CHD7: variants seen among roughly 807,000 people sequenced by gnomAD.
CHD7 encodes chromodomain helicase DNA binding protein 7.
CHD7 carries 24 observed loss-of-function variants against 307.3 expected under a neutral mutation model. That is an observed-to-expected ratio of 0.08 (90% CI 0.06 to 0.11). The LOEUF (loss-of-function observed/expected upper bound fraction) is 0.11, where lower values mean the gene tolerates loss of function less well. Among genes scored for constraint, CHD7 ranks in the 10% least tolerant of loss-of-function variants. The pLI is 1.00. For missense variants in CHD7, 3,106 were observed against 3,727.1 expected (o/e 0.83, Z 4.34); for synonymous variants, 1,363 against 1,349.9 (o/e 1.01, Z -0.21).
chr8:60,799,001 TGTCTGTC>T (rs1812165566), intron 4 of CHD7, among the ~76,000 whole-genome samples: 1 of 152,216 alleles, frequency 6.6e-6, no homozygotes, highest in South Asian at 2.1e-4. Flanking sequence ...AATAATCTGT[TGTCTGTC>T]TTTTCACATT....
chr8:60,781,120 CAAAAGAAGAAGA>C lies in CHD7; in HGVS notation c.1794_1805del (p.Lys599_Lys602del). Reference sequence around the variant, plus strand: ...GCCATCAATAGAACAGCAGCCACAACAAAAGAAGAAGAAAAAGAAAAACAACCACATTGTAGC... The same window carrying C: ...GCCATCAATAGAACAGCAGCCACAACAAAAGAAAAACAACCACATTGTAGC... On this transcript the variant is annotated inframe_deletion, in exon 3 of 38. Transcript: ENST00000423902. 6.2e-7 allele frequency: 1 copy of C among 1,610,388 alleles called. No individual in the cohort carries two copies. The highest frequency in any genetic ancestry group is 8.5e-7 in the Non-Finnish European group (1 of 1,178,322).
intron 1 of CHD7, among the ~76,000 whole-genome samples, chr8:60,707,805 A>G (rs1807090450): frequency 1.3e-5 from 2 of 152,238 alleles, no homozygotes; most frequent in African/African-American, 4.8e-5. Flanking sequence ...GCTGGACTAT[A>G]TGGTAGCCAT....
chr8:60,860,825 A>T, intron 34 of CHD7, 79 bp from the exon 35 acceptor site: 7 of 1,001,610 alleles, frequency 7.0e-6, no homozygotes, highest in South Asian at 3.1e-5. Flanking sequence ...CCATTCTAGG[A>T]TAGCGTTTTC....
intron 34 of CHD7, among the ~76,000 whole-genome samples, chr8:60,857,616 T>C (rs1805772869): frequency 1.3e-5 from 2 of 152,180 alleles, no homozygotes; most frequent in Admixed American, 6.5e-5. Flanking sequence ...CCAGTCACCA[T>C]AGTGGCTGGA....
intron 1 of CHD7, among the ~76,000 whole-genome samples, chr8:60,734,306 T>A (rs1808595030): frequency 6.6e-6 from 1 of 152,124 alleles, no homozygotes; most frequent in Non-Finnish European, 1.5e-5. Flanking sequence ...AGGTCTGAGG[T>A]GAGCCTGAGA....
chr8:60,732,114 A>G (rs1808483761), intron 1 of CHD7, among the ~76,000 whole-genome samples: 1 of 152,168 alleles, frequency 6.6e-6, no homozygotes, highest in Non-Finnish European at 1.5e-5. Flanking sequence ...TTTCCCTTTA[A>G]GGAAAAGAAT....
intron 4 of CHD7, among the ~76,000 whole-genome samples, chr8:60,798,739 C>T (rs1295265320): frequency 1.3e-5 from 2 of 152,092 alleles, no homozygotes; most frequent in Non-Finnish European, 2.9e-5. Flanking sequence ...TTTATTTCTT[C>T]TTTGTGCTTT....
rs781340917 is a variant in CHD7, at chr8:60,830,576, T to C, written c.3777T>C (p.Asn1259=). 1 of 1,612,260 alleles carries C rather than the reference T, an allele frequency of 6.2e-7. No individual in the cohort carries two copies. The change falls in exon 15 of 38, where the codon AAT becomes AAC. Residue 1259 remains asparagine, a splice_region_variant and synonymous_variant. Coordinates refer to ENST00000423902, the MANE Select transcript of CHD7 (RefSeq NM_017780.4). ...RKCCNHPYLI[N]GAEEKILEEF... is the part of the protein sequence containing the mutation. Reference sequence around the variant, plus strand: ...GCTGCAATCATCCGTACCTTATCAATGGTAAGGCTGCCCTGCTCGCGAACT... The same window carrying C: ...GCTGCAATCATCCGTACCTTATCAACGGTAAGGCTGCCCTGCTCGCGAACT...
chr8:60,734,478 G>A (rs1808606963), intron 1 of CHD7, among the ~76,000 whole-genome samples: 1 of 152,184 alleles, frequency 6.6e-6, no homozygotes, highest in African/African-American at 2.4e-5. Flanking sequence ...TGATGTGGTG[G>A]TACTGCTAGC....
rs371930390 is a variant in CHD7, at chr8:60,742,187, C to T, written c.755C>T (p.Ser252Leu). ...AGCATGGCACCTTCCTTGCGTCACT[C>T]GGTGCAGCAGTTCCATCACCACCCC... ...SPSMAPSLRH[S>L]VQQFHHHPST... The change falls in exon 2 of 38, where the codon TCG (serine) becomes TTG (leucine). Residue 252 changes from serine (S) to leucine (L), a missense_variant. By Grantham distance (145) the Ser-to-Leu change is moderately radical. This residue lies in a region of CHD7 where 998 missense variants were observed against 1,004.5 expected (regional missense o/e 0.99). Coordinates refer to ENST00000423902, the MANE Select transcript of CHD7 (RefSeq NM_017780.4). The T allele has an allele frequency of 4.0e-5, 65 of 1,613,804 alleles. No homozygotes were observed. Among genetic ancestry groups the T allele is most frequent in the Non-Finnish European group, 5.5e-5 (65 of 1,179,884 alleles).
chr8:60,725,432 A>G (rs543105096), intron 1 of CHD7, among the ~76,000 whole-genome samples: 53 of 152,294 alleles, frequency 3.5e-4, no homozygotes, highest in African/African-American at 1.2e-3. Context: ...ATTTTTATAT[A>G]TATTTTATAT....
intron 1 of CHD7, among the ~76,000 whole-genome samples, chr8:60,710,209 TC>T (rs1295061852): frequency 2.1e-4 from 32 of 151,608 alleles, no homozygotes; most frequent in African/African-American, 7.7e-4. Context: ...TGATCATAAT[TC>T]TTGTGCAAAC....
At chr8:60,810,973 G>T (rs1240707016) in intron 7 of CHD7, among the ~76,000 whole-genome samples, 1 of 152,144 alleles carries the variant, frequency 6.6e-6, no homozygotes, top group African/African-American at 2.4e-5. Context: ...CGTGAACTCT[G>T]GTTGTGAACT....
At chr8:60,811,470 C>T (rs556173410) in intron 7 of CHD7, among the ~76,000 whole-genome samples, 1 of 152,232 alleles carries the variant, frequency 6.6e-6, no homozygotes, top group South Asian at 2.1e-4. Context: ...CACACTACAT[C>T]CTGGAAATCA....
intron 1 of CHD7, among the ~76,000 whole-genome samples, chr8:60,721,013 T>G (rs1402332435): frequency 1.3e-5 from 2 of 152,148 alleles, no homozygotes; most frequent in African/African-American, 2.4e-5. Context: ...AGTGGACACT[T>G]TTCTCTTTGT....
intron 1 of CHD7, among the ~76,000 whole-genome samples, chr8:60,737,191 G>T (rs564665181): frequency 2.0e-5 from 3 of 151,990 alleles, no homozygotes; most frequent in African/African-American, 7.3e-5. Context: ...TTTACCAATA[G>T]CTCCAATTTG....
rs1408129936 is a variant in CHD7, at chr8:60,848,539, G to A, written c.5235G>A (p.Leu1745=). 6.2e-7 allele frequency: 1 copy of A among 1,613,556 alleles called. No homozygotes were observed. Among genetic ancestry groups the A allele is most frequent in the Non-Finnish European group, 8.5e-7 (1 of 1,179,724 alleles). The change falls in exon 24 of 38, where the codon CTG becomes CTA. Residue 1745 remains leucine (L), a synonymous_variant. Transcript: ENST00000423902. ...GGGTCCTGCTGCGTGTCCGCATGCT[G>A]TACTACCTAAGACAAGAAGTGATAG... ...CNKVLLRVRM[L]YYLRQEVIGD...
At chr8:60,728,387 C>G (rs1039676249) in intron 1 of CHD7, among the ~76,000 whole-genome samples, 4 of 148,726 alleles carry the variant, frequency 2.7e-5, no homozygotes, top group African/African-American at 9.8e-5. Context: ...CCTATACAAT[C>G]ATTGACTCTT....
chr8:60,795,214 C>T, intron 4 of CHD7, 87 bp downstream of exon 4: 2 of 1,257,574 alleles, frequency 1.6e-6, no homozygotes, highest in Middle Eastern at 1.9e-4. Context: ...CCTCCCCTAT[C>T]TTGTTATAGA....
Sources: allele counts gnomAD v4.1 joint callset (sites outside exome capture counted in the v4.1 genomes callset), GRCh38; gene constraint gnomAD v4.1.1; regional missense constraint gnomAD v4.1.1; transcripts MANE v1.5; gene names NCBI Gene and HGNC (gene_info 2026-07-23, HGNC 2026-07-21).